CRTC1: variants seen among roughly 807,000 people sequenced by gnomAD.
CRTC1 encodes the protein CREB regulated transcription coactivator 1, also known as CREB-regulated transcription coactivator 1.
In CRTC1, 18 loss-of-function variants were observed where a neutral mutation model predicts 66.1. The ratio of observed to expected loss-of-function variants is 0.27; its 90% CI spans 0.19 to 0.40. CRTC1 has a LOEUF of 0.40. Ranked by LOEUF, CRTC1 falls within the 10% of genes least tolerant of loss-of-function variation. The pLI, the probability that CRTC1 is intolerant of heterozygous loss-of-function variation, is 1.00. For synonymous variants in CRTC1, 416 were observed against 398.8 expected (o/e 1.04, Z -0.51); for missense variants, 669 against 887.9 (o/e 0.75, Z 3.13).
chr19:18,688,866 A>G (rs576327757), intron 1 of CRTC1, among the ~76,000 whole-genome samples: 3 of 152,256 alleles, frequency 2.0e-5, no homozygotes, highest in Non-Finnish European at 2.9e-5. Flanking sequence ...ACCCCCAGAA[A>G]GAGACCCTGT....
At chr19:18,761,291 G>A (rs1267394252) in intron 8 of CRTC1, among the ~76,000 whole-genome samples, 1 of 152,226 alleles carries the variant, frequency 6.6e-6, no homozygotes, top group African/African-American at 2.4e-5. Flanking sequence ...TGGCTGTGCA[G>A]TGTGTGACCT....
At chr19:18,697,529 C>G (rs2053021753) in intron 1 of CRTC1, among the ~76,000 whole-genome samples, 1 of 152,334 alleles carries the variant, frequency 6.6e-6, no homozygotes, top group Non-Finnish European at 1.5e-5. Flanking sequence ...AGGCTGGTCT[C>G]CAACTTCTGA....
chr19:18,766,123 CCTT>C (rs1568536348), intron 9 of CRTC1, among the ~76,000 whole-genome samples: 1 of 149,804 alleles, frequency 6.7e-6, no homozygotes, highest in Non-Finnish European at 1.5e-5. Flanking sequence ...CTTTTGTAAT[CCTT>C]TTTTTTTTTT....
chr19:18,709,198 G>T (rs2053333726), intron 1 of CRTC1, among the ~76,000 whole-genome samples: 1 of 152,154 alleles, frequency 6.6e-6, no homozygotes, highest in South Asian at 2.1e-4. Context: ...TGTTGGCAGG[G>T]TGCACATGAG....
chr19:18,735,850 C>A (rs982588627), intron 1 of CRTC1, among the ~76,000 whole-genome samples: 1 of 152,212 alleles, frequency 6.6e-6, no homozygotes. Context: ...GCCTGGAGAT[C>A]TAATGCTTGC....
intron 1 of CRTC1, among the ~76,000 whole-genome samples, chr19:18,723,369 A>G (rs1353450735): frequency 6.6e-6 from 1 of 152,118 alleles, no homozygotes; most frequent in Non-Finnish European, 1.5e-5. Flanking sequence ...TCTTATCTCC[A>G]ATCTCCCCAT....
At chr19:18,698,112 G>A (rs2145513322) in intron 1 of CRTC1, among the ~76,000 whole-genome samples, 1 of 151,868 alleles carries the variant, frequency 6.6e-6, no homozygotes, top group South Asian at 2.1e-4. Flanking sequence ...CTCTGCAGGT[G>A]CACAGTTTGT....
chr19:18,686,552 C>G (rs1277152828), intron 1 of CRTC1, among the ~76,000 whole-genome samples: 1 of 152,182 alleles, frequency 6.6e-6, no homozygotes, highest in African/African-American at 2.4e-5. Context: ...GAGGCTTAGA[C>G]AGAAGAATCG....
At chr19:18,721,808 C>G (rs1310538289) in intron 1 of CRTC1, among the ~76,000 whole-genome samples, 1 of 152,208 alleles carries the variant, frequency 6.6e-6, no homozygotes, top group Non-Finnish European at 1.5e-5. Flanking sequence ...CCTGCAAAGA[C>G]TCTCTCCAAA....
intron 1 of CRTC1, among the ~76,000 whole-genome samples, chr19:18,684,383 G>T (rs1032429293): frequency 6.6e-6 from 1 of 152,102 alleles, no homozygotes; most frequent in Non-Finnish European, 1.5e-5. Flanking sequence ...ACCTGAGGGG[G>T]ACCGGTGTCT....
chr19:18,766,819 A>G (rs2054747587), intron 9 of CRTC1, among the ~76,000 whole-genome samples: 1 of 152,224 alleles, frequency 6.6e-6, no homozygotes, highest in African/African-American at 2.4e-5. Flanking sequence ...AGTAATTTGA[A>G]TCTTCCCTCT....
chr19:18,727,070 G>T (rs2053770712), intron 1 of CRTC1, among the ~76,000 whole-genome samples: 1 of 151,698 alleles, frequency 6.6e-6, no homozygotes, highest in Non-Finnish European at 1.5e-5. Context: ...AACATAGCCA[G>T]ACCCCATCTC....
At chr19:18,728,469 A>G (rs2053809793) in intron 1 of CRTC1, among the ~76,000 whole-genome samples, 1 of 152,100 alleles carries the variant, frequency 6.6e-6, no homozygotes, top group African/African-American at 2.4e-5. Flanking sequence ...TCGTAACATC[A>G]CAGAGCAGCT....
At chr19:18,695,159 A>G (rs552055798) in intron 1 of CRTC1, among the ~76,000 whole-genome samples, 128 of 151,898 alleles carry the variant, frequency 8.4e-4, no homozygotes, top group African/African-American at 2.7e-3. Flanking sequence ...GCATGAGCCA[A>G]TGTGCCCAGC....
At chr19:18,757,163 CA>C (rs1343906798) in intron 6 of CRTC1, among the ~76,000 whole-genome samples, 1 of 152,108 alleles carries the variant, frequency 6.6e-6, no homozygotes, top group Non-Finnish European at 1.5e-5. Flanking sequence ...CCCAGGGCCC[CA>C]GGGGCGGAAA....
chr19:18,736,075 G>A (rs2053990586), intron 1 of CRTC1, among the ~76,000 whole-genome samples: 1 of 152,192 alleles, frequency 6.6e-6, no homozygotes, highest in African/African-American at 2.4e-5. Flanking sequence ...GACCCAGCTG[G>A]GCTTCACGCC....
At chr19:18,754,648 G>T (rs939062277) in intron 6 of CRTC1, among the ~76,000 whole-genome samples, 1 of 152,224 alleles carries the variant, frequency 6.6e-6, no homozygotes, top group Non-Finnish European at 1.5e-5. Flanking sequence ...GAAACAGCCT[G>T]CACATTTCAG....
intron 8 of CRTC1, 73 bp from the exon 9 acceptor site, chr19:18,765,329 CTG>C: frequency 6.5e-7 from 1 of 1,543,984 alleles, no homozygotes; most frequent in East Asian, 2.3e-5. Context: ...TGCAGTGTGA[CTG>C]TGGGTGTGTA....
Position 18,781,417 on chromosome 19 carries a change from C to T in CRTC1, c.*4035C>T, listed in dbSNP as rs115882097. 5.6e-5 allele frequency: 13 copies of T among 230,122 alleles called. No homozygotes were observed. The highest frequency in any genetic ancestry group is 1.8e-4 in the South Asian group (1 of 5,502). 14.3% of individuals were successfully genotyped at this position (230,122 alleles called of 1,614,324 possible). On this transcript the variant is annotated 3_prime_UTR_variant, in exon 14 of 14. Coordinates refer to ENST00000321949, the MANE Select transcript of CRTC1 (RefSeq NM_015321.3). ...TTTGGGGGTCCCTGGGACATTCTCC[C>T]GTCAGCTCCACCTGAGCCAAGTGTC...
Sources: allele counts gnomAD v4.1 joint callset (sites outside exome capture counted in the v4.1 genomes callset), GRCh38; gene constraint gnomAD v4.1.1; transcripts MANE v1.5; gene names NCBI Gene and HGNC (gene_info 2026-07-23, HGNC 2026-07-21).